Variants in PCDHGA5 observed in about 807,000 individuals in gnomAD.
The protein encoded by PCDHGA5 is protocadherin gamma-A5.
A neutral mutation model predicts 56.7 loss-of-function variants in PCDHGA5; 36 were observed. The ratio of observed to expected loss-of-function variants is 0.64; its 90% confidence interval spans 0.49 to 0.84. PCDHGA5 has a LOEUF of 0.84. Among genes scored for constraint, PCDHGA5 ranks in the 40% least tolerant of loss-of-function variants. The pLI is 0.00. For synonymous variants in PCDHGA5, 563 were observed against 520.2 expected (o/e 1.08, Z -1.12); for missense variants, 1,305 against 1,201.5 (o/e 1.09, Z -1.27).
intron 1 of PCDHGA5, chr5:141,395,104 G>A (rs1420682544): frequency 1.9e-6 from 3 of 1,614,028 alleles, no homozygotes; most frequent in Admixed American, 3.3e-5. Flanking sequence ...GCCGACTCGC[G>A]GAAGAGTCAC....
Position 141,432,046 on chromosome 5 carries a change from C to G in PCDHGA5, c.2422-62761C>G, listed in dbSNP as rs1389286417. The G allele has an allele frequency of 6.2e-7, 1 of 1,614,224 alleles. No individual in the cohort carries two copies. The highest frequency in any genetic ancestry group is 2.2e-5 in the East Asian group (1 of 44,886). The stretch of plus-strand genomic sequence containing the variant: ...CAGTGACCGCCACTGACCGGGGAAC[C>G]CCGCCCCTATCCACGGAAACTCATA... On this transcript the variant is annotated intron_variant, in intron 1 of 3. Coordinates refer to ENST00000518069, the MANE Select transcript of PCDHGA5 (RefSeq NM_018918.3). This position sits in a 1 kb window ranked among gnomAD's most constrained non-coding sequence, Gnocchi z 6.0.
chr5:141,392,946 G>A, intron 1 of PCDHGA5: 2 of 1,613,940 alleles, frequency 1.2e-6, no homozygotes, highest in Non-Finnish European at 1.7e-6. Context: ...AGGCTCCTTC[G>A]TGGGTAATAT....
Position 141,372,306 on chromosome 5 carries a change from G to T in PCDHGA5, c.2421+5555G>T, listed in dbSNP as rs771102617. 35 of 1,613,152 alleles carry T rather than the reference G, an allele frequency of 2.2e-5. No homozygotes were observed. Among genetic ancestry groups the T allele is most frequent in the African/African-American group, 9.3e-5 (7 of 75,056 alleles). ...GCGTACCTTGGGCGACAGGGAGGCC[G>T]CCCGCCAGCGCCTGCTGGTCACTGT... On this transcript the variant is annotated intron_variant, in intron 1 of 3. Coordinates refer to ENST00000518069, the MANE Select transcript of PCDHGA5 (RefSeq NM_018918.3).
rs1380468665 is a variant in PCDHGA5, at chr5:141,364,605, G to C, written c.275G>C (p.Arg92Pro). ...TTGGTCACCGCGGGCAGGATAGACC[G>C]GGAGGAGCTCTGCGCTCAGAGCCCA... The part of the protein sequence containing the change: ...GSLVTAGRID[R>P]EELCAQSPLC... The change falls in exon 1 of 4, where the codon CGG (arginine) becomes CCG (proline). Residue 92 changes from arginine (R) to proline (P), a missense_variant. Coordinates refer to ENST00000518069, the MANE Select transcript of PCDHGA5 (RefSeq NM_018918.3). The C allele has an allele frequency of 4.3e-6, 7 of 1,614,186 alleles. No homozygotes were observed. Among genetic ancestry groups the C allele is most frequent in the South Asian group, 1.1e-5 (1 of 91,084 alleles).
rs746046310 is a variant in PCDHGA5, at chr5:141,410,427, A to C, written c.2421+43676A>C. The C allele has an allele frequency of 1.9e-6, 3 of 1,613,714 alleles. No homozygotes were observed. The Admixed American group carries it at 5.0e-5, about 27-fold the overall frequency. On this transcript the variant is annotated intron_variant, in intron 1 of 3. Coordinates refer to ENST00000518069, the MANE Select transcript of PCDHGA5 (RefSeq NM_018918.3). ...AAGTCTGGACCTGTAGTTCCCCCCA[A>C]CTACAGTGAGGGGACTTTGCCTTAT...
chr5:141,490,611 G>A lies in PCDHGA5; in HGVS notation c.2422-4196G>A, dbSNP rs1442281165. 1 of 1,614,052 alleles carries A rather than the reference G, an allele frequency of 6.2e-7. No homozygotes were observed. The highest frequency in any genetic ancestry group is 1.3e-5 in the African/African-American group (1 of 74,914). On this transcript the variant is annotated intron_variant, in intron 1 of 3. Coordinates refer to ENST00000518069, the MANE Select transcript of PCDHGA5 (RefSeq NM_018918.3). This position sits in a 1 kb window ranked among gnomAD's most constrained non-coding sequence, Gnocchi z 5.4. ...ACAATGCACCCCGCTTCAACCAGCA[G>A]CTTTACACTGCTTACATCCTAGAAA...
At chr5:141,422,963 C>A (rs372620011) in intron 1 of PCDHGA5, 1 of 1,614,120 alleles carries the variant, frequency 6.2e-7, no homozygotes, top group Non-Finnish European at 8.5e-7. Flanking sequence ...GTGGAGCTGG[C>A]GCCCCGCTCT....
chr5:141,370,545 G>A (rs768607566), intron 1 of PCDHGA5: 2 of 1,613,866 alleles, frequency 1.2e-6, no homozygotes, highest in Non-Finnish European at 1.7e-6. Context: ...AGGGAACCTC[G>A]CCAAGGACCT....
At chr5:141,417,890 G>GCCGGC (rs2096180101) in intron 1 of PCDHGA5, 1 of 1,568,496 alleles carries the variant, frequency 6.4e-7, no homozygotes, top group Non-Finnish European at 8.6e-7. Context: ...GAGGCGCCGG[G>GCCGGC]CCGGCCCGCG....
At chr5:141,392,825 A>T in intron 1 of PCDHGA5, 1 of 1,601,466 alleles carries the variant, frequency 6.2e-7, no homozygotes. Context: ...TGGCCGCTCC[A>T]CAGAGTCGCC....
chr5:141,374,102 C>T, intron 1 of PCDHGA5: 2 of 1,568,166 alleles, frequency 1.3e-6, no homozygotes, highest in South Asian at 2.4e-5. Flanking sequence ...TCCGCAGAGG[C>T]ATCCGCAGCG....
intron 1 of PCDHGA5, among the ~76,000 whole-genome samples, chr5:141,369,354 A>G (rs1766176337): frequency 6.6e-6 from 1 of 152,198 alleles, no homozygotes; most frequent in Non-Finnish European, 1.5e-5. Flanking sequence ...GTGATGTAGT[A>G]TGAAAAAACA....
At chr5:141,488,011 T>C (rs1424799954) in intron 1 of PCDHGA5, among the ~76,000 whole-genome samples, 1 of 152,182 alleles carries the variant, frequency 6.6e-6, no homozygotes, top group Non-Finnish European at 1.5e-5. Context: ...GATTCTGAAG[T>C]ACCTTAACTC....
intron 1 of PCDHGA5, chr5:141,418,297 C>T (rs760176371): frequency 2.5e-6 from 4 of 1,614,026 alleles, no homozygotes; most frequent in African/African-American, 2.7e-5. Flanking sequence ...GTGAATCCGT[C>T]AGCCTGGGGA....
In PCDHGA5 at chr5:141,419,638, C is replaced by T. The variant is rs191182165; in HGVS notation, c.2421+52887C>T. On this transcript the variant is annotated intron_variant, in intron 1 of 3. Coordinates refer to ENST00000518069, the MANE Select transcript of PCDHGA5 (RefSeq NM_018918.3). Reference sequence around the variant, plus strand: ...GCTACCTGGTGACCAAGGTGGTGGCCGTGGACGCGGACTCGGGGCACAATG... The same window carrying T: ...GCTACCTGGTGACCAAGGTGGTGGCTGTGGACGCGGACTCGGGGCACAATG... The T allele has an allele frequency of 4.9e-3, 7,979 of 1,612,456 alleles. 44 individuals are homozygous for T. Among genetic ancestry groups the T allele is most frequent in the Admixed American group, 9.5e-3 (568 of 60,000 alleles).
intron 1 of PCDHGA5, chr5:141,389,477 G>C (rs761615943): frequency 1.9e-6 from 3 of 1,613,174 alleles, no homozygotes; most frequent in Non-Finnish European, 2.5e-6. Flanking sequence ...TCACACTGCA[G>C]GCCCGCGACC....
chr5:141,403,370 G>T (rs752870915), intron 1 of PCDHGA5: 25 of 1,614,064 alleles, frequency 1.5e-5, no homozygotes, highest in Non-Finnish European at 1.9e-5. Flanking sequence ...AAGTCTGGAA[G>T]TAAAAATTAA....
rs748486683 is a variant in PCDHGA5, at chr5:141,374,702, G to A, written c.2421+7951G>A. 8 of 1,609,096 alleles carry A rather than the reference G, an allele frequency of 5.0e-6. No homozygotes were observed. In the Admixed American group the frequency reaches 5.1e-5, roughly 10 times the overall value. ...CACACTGGACCGGGAAGGAGAAGCCGTTTACCGCCTGGTCCTTACTGCCAT... is the reference window on the plus strand; with the variant it reads ...CACACTGGACCGGGAAGGAGAAGCCATTTACCGCCTGGTCCTTACTGCCAT... On this transcript the variant is annotated intron_variant, in intron 1 of 3. Transcript: ENST00000518069.
At chr5:141,419,796 T>A in intron 1 of PCDHGA5, 1 of 1,614,026 alleles carries the variant, frequency 6.2e-7, no homozygotes. Flanking sequence ...CTAGTCGCTG[T>A]AAGAGATGGA....
Sources: allele counts gnomAD v4.1 joint callset (sites outside exome capture counted in the v4.1 genomes callset), GRCh38; gene constraint gnomAD v4.1.1; non-coding constraint Gnocchi (gnomAD v3.1); transcripts MANE v1.5; gene names NCBI Gene and HGNC (gene_info 2026-07-23, HGNC 2026-07-21).